Variants in ITPK1 observed in about 807,000 individuals in gnomAD.
The protein encoded by ITPK1 is inositol-tetrakisphosphate 1-kinase.
Under a neutral mutation model 45.3 loss-of-function variants are expected in ITPK1, and 21 were observed. The observed-to-expected ratio is 0.46, with a 90% CI of 0.33 to 0.67. The LOEUF (loss-of-function observed/expected upper bound fraction) is 0.67. Ranked by LOEUF, ITPK1 falls within the 30% of genes least tolerant of loss-of-function variation. The pLI is 0.02. For synonymous variants in ITPK1, 258 were observed against 253.6 expected (o/e 1.02, Z -0.16); for missense variants, 474 against 573.5 (o/e 0.83, Z 1.77).
intron 10 of ITPK1, among the ~76,000 whole-genome samples, chr14:92,945,178 C>A (rs1242279621): frequency 4.6e-5 from 7 of 152,266 alleles, no homozygotes; most frequent in African/African-American, 1.4e-4. Context: ...AGCATCTGGA[C>A]CAGCTGGGAC....
intron 8 of ITPK1, among the ~76,000 whole-genome samples, chr14:92,953,786 G>A (rs1209467159): frequency 1.3e-5 from 2 of 152,234 alleles, no homozygotes; most frequent in African/African-American, 4.8e-5. Flanking sequence ...GCCGGCCAGT[G>A]TCTGCTCACC....
chr14:93,109,832 G>A (rs762995121), intron 2 of ITPK1, among the ~76,000 whole-genome samples: 2 of 152,154 alleles, frequency 1.3e-5, no homozygotes, highest in Non-Finnish European at 2.9e-5. Flanking sequence ...CAGCCATCGT[G>A]GCCTTCAGGG....
At chr14:92,963,302 T>C (rs970991490) in intron 5 of ITPK1, among the ~76,000 whole-genome samples, 1 of 152,210 alleles carries the variant, frequency 6.6e-6, no homozygotes, top group Non-Finnish European at 1.5e-5. Flanking sequence ...ATAATCGCAG[T>C]GACAATATAG....
rs115185407 is a variant in ITPK1, at chr14:92,974,878, T to A, written c.365-12029A>T. Among the ~76,000 whole-genome samples the A allele has an allele frequency of 8.6e-3, 1,316 of 152,294 alleles. 16 individuals are homozygous for A. Among genetic ancestry groups the A allele is most frequent in the African/African-American group, 0.03 (1,235 of 41,546 alleles). ...GAAAGGAAGGGTCACATGAGGACTG[T>A]GGTCACAGGAGGAGCGGGGGTGTGA... On this transcript the variant is annotated intron_variant, in intron 5 of 10. Coordinates refer to ENST00000267615, the MANE Select transcript of ITPK1 (RefSeq NM_014216.6).
intron 9 of ITPK1, among the ~76,000 whole-genome samples, chr14:92,949,722 C>T (rs57933052): frequency 0.066 from 10,028 of 152,364 alleles, 577 homozygotes; most frequent in East Asian, 0.32. Context: ...TGCACTGCCA[C>T]ACGCCCCATG....
In ITPK1 at chr14:92,940,929, C is replaced by G; in HGVS notation, c.*632G>C. Reference sequence around the variant, plus strand: ...GAGGACGCCCAGCTTCCTTTCCTTCCCTTTAGTGAGGGAGCACAGCCCAGA... The same window carrying G: ...GAGGACGCCCAGCTTCCTTTCCTTCGCTTTAGTGAGGGAGCACAGCCCAGA... On this transcript the variant is annotated 3_prime_UTR_variant, in exon 11 of 11. Coordinates refer to ENST00000267615, the MANE Select transcript of ITPK1 (RefSeq NM_014216.6). 2 of 1,287,636 alleles carry G rather than the reference C, an allele frequency of 1.6e-6. No homozygotes were observed. Among genetic ancestry groups the G allele is most frequent in the Non-Finnish European group, 1.0e-6 (1 of 988,702 alleles). The allele number at this position is 1,287,636 out of a possible 1,614,324, so 79.8% of individuals were successfully genotyped here. A position where few individuals can be genotyped will look rare whatever the true frequency, so the allele number is the denominator to read the frequency against.
chr14:93,067,896 C>T (rs975421854), intron 3 of ITPK1: 13 of 152,612 alleles, frequency 8.5e-5, no homozygotes, highest in Non-Finnish European at 1.2e-4. Context: ...AAAAAAATAC[C>T]TGCATTTCAA....
intron 2 of ITPK1, among the ~76,000 whole-genome samples, chr14:93,089,421 A>T (rs376410704): frequency 3.3e-5 from 5 of 152,284 alleles, no homozygotes; most frequent in African/African-American, 1.2e-4. Context: ...ATTTCAGCTC[A>T]ACCATAGGAA....
chr14:93,095,423 T>C (rs935186546), intron 2 of ITPK1, among the ~76,000 whole-genome samples: 1 of 147,042 alleles, frequency 6.8e-6, no homozygotes, highest in African/African-American at 2.6e-5. Flanking sequence ...AGAAGCAAGT[T>C]TGACCCAGTC....
At position 93,101,577 on chromosome 14, in the gene ITPK1, G is replaced by A. The variant is rs941484636; in HGVS notation, c.95+13492C>T. ...CTAGTAAGAAGCCGAGGCCGGGCAC[G>A]GTGGTTCACGCCTGTAATGCCAGCA... On this transcript the variant is annotated intron_variant, in intron 2 of 10. Transcript: ENST00000267615. Among the ~76,000 whole-genome samples the A allele has an allele frequency of 5.9e-5, 9 of 152,322 alleles. No homozygotes were observed. In the South Asian group the frequency reaches 1.0e-3, roughly 18 times the overall value.
chr14:93,039,164 G>A (rs935410964), intron 3 of ITPK1, among the ~76,000 whole-genome samples: 10 of 152,126 alleles, frequency 6.6e-5, no homozygotes, highest in African/African-American at 1.7e-4. Flanking sequence ...CCTACTAAAC[G>A]ATGCCCAGAG....
chr14:93,011,423 G>T (rs1472828850), intron 4 of ITPK1, among the ~76,000 whole-genome samples: 1 of 152,218 alleles, frequency 6.6e-6, no homozygotes, highest in East Asian at 1.9e-4. Flanking sequence ...GGATGGTGGG[G>T]TCGGGGAGGC....
At chr14:93,099,917 A>C (rs1203367672) in intron 2 of ITPK1, among the ~76,000 whole-genome samples, 2 of 152,190 alleles carry the variant, frequency 1.3e-5, no homozygotes, top group African/African-American at 4.8e-5. Flanking sequence ...GCCCCCGTCC[A>C]AGTCTTTGCA....
intron 5 of ITPK1, among the ~76,000 whole-genome samples, chr14:92,989,844 T>G (rs1886691062): frequency 2.6e-5 from 4 of 152,024 alleles, no homozygotes; most frequent in Admixed American, 2.6e-4. Context: ...CCAGAAGCAG[T>G]CATCTATGAG....
chr14:93,081,442 T>C (rs1212346160), intron 2 of ITPK1, among the ~76,000 whole-genome samples: 2 of 152,124 alleles, frequency 1.3e-5, no homozygotes, highest in Non-Finnish European at 2.9e-5. Context: ...ATATGAATAT[T>C]AATAAAATAG....
intron 5 of ITPK1, among the ~76,000 whole-genome samples, chr14:92,986,766 C>G (rs1410472492): frequency 6.6e-6 from 1 of 152,174 alleles, no homozygotes; most frequent in Non-Finnish European, 1.5e-5. Context: ...TCTGAGTGAA[C>G]AGACAGGAAC....
chr14:92,959,076 T>A (rs1884909619), intron 7 of ITPK1, among the ~76,000 whole-genome samples: 1 of 152,172 alleles, frequency 6.6e-6, no homozygotes, highest in African/African-American at 2.4e-5. Flanking sequence ...TTTGTGCTCC[T>A]GGTCCCCGAC....
At chr14:92,951,113 G>A (rs1389029472) in intron 9 of ITPK1, among the ~76,000 whole-genome samples, 1 of 152,264 alleles carries the variant, frequency 6.6e-6, no homozygotes, top group East Asian at 1.9e-4. Context: ...GAAGAGACCA[G>A]CAAAGCCCCC....
chr14:93,067,772 T>TA (rs1890820901), intron 3 of ITPK1: 1 of 152,788 alleles, frequency 6.5e-6, no homozygotes, highest in East Asian at 1.9e-4. Flanking sequence ...TCATCATTAT[T>TA]AAAAAACACT....
Sources: allele counts gnomAD v4.1 joint callset (sites outside exome capture counted in the v4.1 genomes callset), GRCh38; gene constraint gnomAD v4.1.1; transcripts MANE v1.5; gene names NCBI Gene and HGNC (gene_info 2026-07-23, HGNC 2026-07-21).